The following UBP1 variants were observed in gnomAD, a reference collection of about 807,000 sequenced individuals.
UBP1 encodes the protein upstream binding protein 1, also known as upstream-binding protein 1.
Under a neutral mutation model 76.1 loss-of-function variants are expected in UBP1, and 22 were observed. The observed-to-expected ratio is 0.29, with a 90% confidence interval of 0.21 to 0.41. UBP1 has a LOEUF of 0.41. Among genes scored for constraint, UBP1 ranks in the 10% least tolerant of loss-of-function variants. The probability of loss-of-function intolerance (pLI) is 1.00; values close to 1 mark genes in which losing one functional copy is unlikely to be tolerated. For synonymous variants in UBP1, 224 were observed against 237.1 expected (o/e 0.94, Z 0.51); for missense variants, 436 against 668.1 (o/e 0.65, Z 3.83).
chr3:33,420,016 T>C (rs763050786), intron 2 of UBP1, among the ~76,000 whole-genome samples: 47 of 152,314 alleles, frequency 3.1e-4, no homozygotes, highest in Admixed American at 2.2e-3. Context: ...AATATAACTG[T>C]TGTGATTCAT....
chr3:33,394,103 G>A (rs2043872951), intron 13 of UBP1, among the ~76,000 whole-genome samples: 1 of 151,614 alleles, frequency 6.6e-6, no homozygotes, highest in African/African-American at 2.4e-5. Context: ...TGTAGCCTCT[G>A]CCTCCCAGGC....
intron 1 of UBP1, among the ~76,000 whole-genome samples, chr3:33,432,397 T>A (rs2045129754): frequency 6.6e-6 from 1 of 152,234 alleles, no homozygotes; most frequent in African/African-American, 2.4e-5. Flanking sequence ...GGTTTGTAAT[T>A]GTTATTCTAA....
Position 33,401,866 on chromosome 3 carries a change from C to T in UBP1, c.1032-850G>A, listed in dbSNP as rs551660438. ...CAGACCGGACTGACTGACTAGGAAA[C>T]TATTCTAAGCCCTCAGACATGGTAA... On this transcript the variant is annotated intron_variant, in intron 9 of 15. Transcript: ENST00000283629. Among the ~76,000 whole-genome samples the T allele has an allele frequency of 5.6e-4, 85 of 152,274 alleles. 1 individual carries two copies. The highest frequency in any genetic ancestry group is 6.8e-3 in the Middle Eastern group (2 of 294).
chr3:33,419,725 G>T (rs759263699), intron 2 of UBP1, among the ~76,000 whole-genome samples: 3 of 151,734 alleles, frequency 2.0e-5, no homozygotes. Flanking sequence ...TTCTTCAATG[G>T]TAATATCCAT....
intron 1 of UBP1, among the ~76,000 whole-genome samples, chr3:33,433,506 A>T (rs1344888995): frequency 3.3e-5 from 5 of 151,288 alleles, no homozygotes; most frequent in Admixed American, 3.3e-4. Flanking sequence ...TACAAAAATC[A>T]GCTGGGCGTG....
At chr3:33,400,929 A>C (rs1350502548) in intron 10 of UBP1, 33 bp downstream of exon 10, 6 of 1,585,392 alleles carry the variant, frequency 3.8e-6, no homozygotes, top group Non-Finnish European at 5.1e-6. Flanking sequence ...GAACCCTGAA[A>C]GCATCAGATA....
chr3:33,394,283 C>T (rs563337469), intron 13 of UBP1, among the ~76,000 whole-genome samples: 130 of 151,626 alleles, frequency 8.6e-4, no homozygotes, highest in Admixed American at 1.8e-3. Context: ...TGGGCTCACG[C>T]AGTCTGCCCA....
chr3:33,434,876 G>A (rs2045180473), intron 1 of UBP1, among the ~76,000 whole-genome samples: 1 of 151,814 alleles, frequency 6.6e-6, no homozygotes, highest in South Asian at 2.1e-4. Context: ...TAGTAGAGAC[G>A]GGGTTTCACC....
At chr3:33,405,121 G>T (rs2044382251) in intron 8 of UBP1, among the ~76,000 whole-genome samples, 1 of 151,702 alleles carries the variant, frequency 6.6e-6, no homozygotes, top group Admixed American at 6.6e-5. Flanking sequence ...ATTTTTTTAG[G>T]GTGATCATTT....
Position 33,433,153 on chromosome 3 carries a change from C to T in UBP1, c.113+6583G>A, listed in dbSNP as rs371557451. On this transcript the variant is annotated intron_variant, in intron 1 of 15. Transcript: ENST00000283629. ...TCAGCTCACTGCAACCTCCACCTCC[C>T]GGGATCAAACGATTCTCCTGCCTCA... Among the ~76,000 whole-genome samples the T allele has an allele frequency of 2.7e-4, 41 of 151,376 alleles. No individual in the cohort carries two copies. In the East Asian group the frequency reaches 7.0e-3, roughly 26 times the overall value.
At chr3:33,440,922 A>G (rs2045291953), upstream of UBP1, 3 of 152,176 alleles carry the variant, frequency 2.0e-5, no homozygotes, top group Non-Finnish European at 4.4e-5. Context: ...TTTGCACCCC[A>G]TCTGGTGACA....
At chr3:33,423,342 A>C (rs763764523) in intron 2 of UBP1, among the ~76,000 whole-genome samples, 2 of 152,030 alleles carry the variant, frequency 1.3e-5, no homozygotes, top group Non-Finnish European at 2.9e-5. Context: ...CCCGGCCCAT[A>C]TTTTTTAAAA....
intron 1 of UBP1, among the ~76,000 whole-genome samples, chr3:33,431,148 GA>G (rs780154517): frequency 1.3e-5 from 2 of 152,124 alleles, no homozygotes; most frequent in Non-Finnish European, 2.9e-5. Flanking sequence ...CAGAAGTGAA[GA>G]CTGAATTAGG....
chr3:33,433,823 G>C lies in UBP1; in HGVS notation c.113+5913C>G, dbSNP rs545005713. The stretch of plus-strand genomic sequence containing the variant: ...AGCTACTTGGGAGTTTGTGGCAGGA[G>C]AATCCCTTGAGCCCAGGAATTAGAG... On this transcript the variant is annotated intron_variant, in intron 1 of 15. Coordinates refer to ENST00000283629, the MANE Select transcript of UBP1 (RefSeq NM_014517.5). 3.2e-3 allele frequency among the ~76,000 whole-genome samples: 484 copies of C among 151,996 alleles called. 2 individuals carry two copies. Among genetic ancestry groups the C allele is most frequent in the Non-Finnish European group, 5.4e-3 (369 of 67,976 alleles).
In UBP1 at chr3:33,426,032, TATATATAG is replaced by T. The variant is rs200702803; in HGVS notation, c.114-299_114-292del. ...ATATATATATATATATATATATATATATATATAGCACTTTAAAAACTTCTTTTAAAACT... is the reference window on the plus strand; with the variant it reads ...ATATATATATATATATATATATATATCACTTTAAAAACTTCTTTTAAAACT... On this transcript the variant is annotated intron_variant, in intron 1 of 15. Coordinates refer to ENST00000283629, the MANE Select transcript of UBP1 (RefSeq NM_014517.5). Among the ~76,000 whole-genome samples, 122 of 87,246 alleles carry T rather than the reference TATATATAG, an allele frequency of 1.4e-3. 5 individuals carry two copies. Among genetic ancestry groups the T allele is most frequent in the Admixed American group, 6.7e-3 (39 of 5,812 alleles). 57.2% of individuals were successfully genotyped at this position (87,246 alleles called of 152,430 possible).
chr3:33,415,795 A>G (rs1575478043), intron 3 of UBP1, among the ~76,000 whole-genome samples: 1 of 152,084 alleles, frequency 6.6e-6, no homozygotes, highest in Admixed American at 6.5e-5. Context: ...AAACAGAACA[A>G]TCAGAGAAAG....
intron 2 of UBP1, among the ~76,000 whole-genome samples, chr3:33,425,128 C>A (rs1174832467): frequency 6.6e-6 from 1 of 152,136 alleles, no homozygotes; most frequent in Non-Finnish European, 1.5e-5. Flanking sequence ...ATGTAACACT[C>A]TGACATAAAC....
intron 7 of UBP1, 100 bp downstream of exon 7, chr3:33,409,136 C>G (rs1410556084): frequency 1.7e-6 from 2 of 1,142,866 alleles, no homozygotes; most frequent in African/African-American, 3.1e-5. Context: ...CAAACTGCCA[C>G]CCAATCTTCC....
At chr3:33,439,682 C>T in intron 1 of UBP1, 54 bp downstream of exon 1, 2 of 1,583,824 alleles carry the variant, frequency 1.3e-6, no homozygotes, top group Non-Finnish European at 1.7e-6. Flanking sequence ...CTCAGGGCTG[C>T]GCAGGCCTTC....
Sources: allele counts gnomAD v4.1 joint callset (sites outside exome capture counted in the v4.1 genomes callset), GRCh38; gene constraint gnomAD v4.1.1; transcripts MANE v1.5; gene names NCBI Gene and HGNC (gene_info 2026-07-23, HGNC 2026-07-21).